SLC5A9: variants seen among roughly 807,000 people sequenced by gnomAD.
SLC5A9 encodes the protein solute carrier family 5 member 9, also known as sodium/glucose cotransporter 4.
In SLC5A9, 59 loss-of-function variants were observed where a neutral mutation model predicts 70.9. That is an observed-to-expected ratio of 0.83 (90% CI 0.68 to 1.03). The LOEUF (loss-of-function observed/expected upper bound fraction) is 1.03, where lower values mean the gene tolerates loss of function less well. Among genes scored for constraint, SLC5A9 ranks in the 50% least tolerant of loss-of-function variants. The pLI is 0.00. For synonymous variants in SLC5A9, 340 were observed against 346.5 expected (o/e 0.98, Z 0.21); for missense variants, 832 against 881.1 (o/e 0.94, Z 0.71).
chr1:48,231,725 G>A, intron 6 of SLC5A9, 100 bp downstream of exon 6: 4 of 1,531,618 alleles, frequency 2.6e-6, no homozygotes, highest in Non-Finnish European at 3.5e-6. Flanking sequence ...CCAGTGCATA[G>A]AGCCATGTGA....
chr1:48,241,220 C>CAATTCTCTCTATCTACAGCCA (rs1387353209), intron 12 of SLC5A9: 1 of 152,302 alleles, frequency 6.6e-6, no homozygotes, highest in African/African-American at 2.4e-5. Flanking sequence ...AGGTGACCCT[C>CAATTCTCTCTATCTACAGCCA]AATTCTCTAT....
chr1:48,239,622 G>T lies in SLC5A9; in HGVS notation c.1677+85G>T. On this transcript the variant is annotated intron_variant, in intron 12 of 13. Transcript: ENST00000438567. This position sits in a 1 kb window ranked among gnomAD's most constrained non-coding sequence, Gnocchi z 4.2. ...GAATTCCACTGCTGACTTTTACTCT[G>T]TTGGGTTATGGTCTCCCCTGTGGCC... The T allele has an allele frequency of 7.5e-7, 1 of 1,324,710 alleles. No individual in the cohort carries two copies. Among genetic ancestry groups the T allele is most frequent in the Non-Finnish European group, 1.1e-6 (1 of 927,726 alleles). The allele number at this position is 1,324,710 out of a possible 1,614,324, so 82.1% of individuals were successfully genotyped here.
chr1:48,233,483 C>T (rs543256403), intron 8 of SLC5A9, among the ~76,000 whole-genome samples, 172 bp from the exon 9 acceptor site: 16 of 151,126 alleles, frequency 1.1e-4, no homozygotes, highest in African/African-American at 2.9e-4. Flanking sequence ...AATAAGTATA[C>T]GGACGAGAAA....
chr1:48,233,550 C>G (rs41287922), intron 8 of SLC5A9, 105 bp from the exon 9 acceptor site: 17,203 of 830,558 alleles, frequency 0.021, 827 homozygotes, highest in East Asian at 0.17. Flanking sequence ...GGGTCCCTGT[C>G]AGAGTCTCCA....
chr1:48,239,460 G>T lies in SLC5A9; in HGVS notation c.1600G>T (p.Ala534Ser). The T allele has an allele frequency of 6.2e-7, 1 of 1,614,200 alleles. No individual in the cohort carries two copies. The part of the protein sequence containing the change: ...VLKDFHYLYF[A>S]ILLCGLTAIV... ...GAAGGACTTCCACTACCTGTACTTT[G>T]CAATCCTCCTCTGCGGGCTCACTGC... is the stretch of plus-strand genomic sequence containing the variant. The change falls in exon 12 of 14, where the codon GCA (alanine) becomes TCA (serine). Residue 534 changes from alanine to serine, a missense_variant. Coordinates refer to ENST00000438567, the MANE Select transcript of SLC5A9 (RefSeq NM_001011547.3). The surrounding 1 kb of genome is among the most constrained non-coding windows in gnomAD (Gnocchi z 4.2).
intron 2 of SLC5A9, among the ~76,000 whole-genome samples, chr1:48,225,553 C>T (rs1000223891): frequency 1.3e-5 from 2 of 152,078 alleles, no homozygotes; most frequent in Non-Finnish European, 2.9e-5. Context: ...GAGTCATCAG[C>T]CCCAGTGGTA....
chr1:48,233,360 C>CAAAAAAAAAAAA (rs1157245912), intron 8 of SLC5A9, among the ~76,000 whole-genome samples: 1 of 58,714 alleles, frequency 1.7e-5, no homozygotes, highest in Non-Finnish European at 2.8e-5. Context: ...GACTCCATCT[C>CAAAAAAAAAAAA]AAAAAAAAAA....
chr1:48,242,319 C>A, intron 12 of SLC5A9, 138 bp from the exon 13 acceptor site: 1 of 945,746 alleles, frequency 1.1e-6, no homozygotes, highest in Non-Finnish European at 1.6e-6. Context: ...GAGATCCGGG[C>A]CTCCTGACTC....
intron 7 of SLC5A9, 29 bp downstream of exon 7, chr1:48,232,180 C>A: frequency 6.3e-7 from 1 of 1,592,452 alleles, no homozygotes; most frequent in Non-Finnish European, 8.6e-7. Flanking sequence ...TTAGCCCAGC[C>A]TGCCAGGAAG....
chr1:48,232,931 AAGAAAAG>A (rs1365507949), intron 8 of SLC5A9, among the ~76,000 whole-genome samples: 39 of 148,010 alleles, frequency 2.6e-4, no homozygotes, highest in Admixed American at 1.1e-3. Context: ...AAAAGAAAGA[AAGAAAAG>A]AAGAAGAAGA....
chr1:48,237,905 C>A, intron 11 of SLC5A9, 58 bp downstream of exon 11: 1 of 1,557,154 alleles, frequency 6.4e-7, no homozygotes, highest in Non-Finnish European at 8.8e-7. Context: ...CCTGGTCTGT[C>A]AATCACCTGG....
At chr1:48,227,210 A>C (rs1043992595) in intron 2 of SLC5A9, among the ~76,000 whole-genome samples, 12 of 101,138 alleles carry the variant, frequency 1.2e-4, no homozygotes, top group African/African-American at 3.7e-4. Flanking sequence ...GTGTGAGTGC[A>C]TGTGTGTGTG....
chr1:48,226,765 CAGG>C (rs749641697), intron 2 of SLC5A9, among the ~76,000 whole-genome samples: 4 of 152,168 alleles, frequency 2.6e-5, no homozygotes, highest in Admixed American at 6.5e-5. Flanking sequence ...GGGTTAGGAG[CAGG>C]AGAAGTGAGG....
chr1:48,224,816 C>T (rs572349864), intron 2 of SLC5A9, 21 bp downstream of exon 2: 2 of 1,612,280 alleles, frequency 1.2e-6, no homozygotes, highest in South Asian at 2.2e-5. Flanking sequence ...CCTTCTCAAC[C>T]ACCCCTAGTG....
Position 48,235,734 on chromosome 1 carries a change from CGGG to C in SLC5A9, c.1150_1152del (p.Gly384del). Reference sequence around the variant, plus strand: ...TGAGCCTCGTCTCTCCCCAGGTCTGCGGGGGCTGATGATTGCCGTGATCATGGC... The same window carrying C: ...TGAGCCTCGTCTCTCCCCAGGTCTGCGGCTGATGATTGCCGTGATCATGGC... On this transcript the variant is annotated inframe_deletion, in exon 10 of 14. Transcript: ENST00000438567. 1 of 1,614,174 alleles carries C rather than the reference CGGG, an allele frequency of 6.2e-7. No individual in the cohort carries two copies.
In SLC5A9 at chr1:48,242,600, C is replaced by G; in HGVS notation, c.1821C>G (p.Gly607=). 1 of 1,610,738 alleles carries G rather than the reference C, an allele frequency of 6.2e-7. No homozygotes were observed. Among genetic ancestry groups the G allele is most frequent in the Non-Finnish European group, 8.5e-7 (1 of 1,178,550 alleles). The change falls in exon 13 of 14, where the codon GGC becomes GGG. Residue 607 remains glycine, a synonymous_variant. Transcript: ENST00000438567. ...GGGAAENSSL[G]QEQPEAPSRS... Reference sequence around the variant, plus strand: ...GAGCGGCAGAGAACTCGAGCCTGGGCCAGGAGCAGCCTGAAGGTAGGCTGC... The same window carrying G: ...GAGCGGCAGAGAACTCGAGCCTGGGGCAGGAGCAGCCTGAAGGTAGGCTGC...
rs1644259186 is a variant in SLC5A9, at chr1:48,232,208, G to A, written c.897+57G>A. 18 of 1,572,698 alleles carry A rather than the reference G, an allele frequency of 1.1e-5. No homozygotes were observed. In the Admixed American group the frequency reaches 3.1e-4, roughly 27 times the overall value. On this transcript the variant is annotated intron_variant, in intron 7 of 13. Coordinates refer to ENST00000438567, the MANE Select transcript of SLC5A9 (RefSeq NM_001011547.3). ...CCAGGAAGTGGGGTGGCTTCCTGCA[G>A]AAAAACCCAGTGCCTGGATGCATAG...
At chr1:48,242,928 C>T (rs553793212) in intron 13 of SLC5A9, among the ~76,000 whole-genome samples, 5 of 152,106 alleles carry the variant, frequency 3.3e-5, no homozygotes, top group Non-Finnish European at 7.3e-5. Context: ...CAGATCTGAT[C>T]GGGGCACAGA....
intron 2 of SLC5A9, chr1:48,227,950 C>G (rs1644188720): frequency 6.6e-6 from 1 of 152,214 alleles, no homozygotes; most frequent in South Asian, 2.1e-4. Flanking sequence ...CTGCCCCTAG[C>G]TGCCCCCAGC....
Sources: gnomAD v4.1 joint callset for allele counts (sites outside exome capture counted in the v4.1 genomes callset) on GRCh38, gnomAD v4.1.1 for gene constraint, Gnocchi (gnomAD v3.1) non-coding constraint, MANE v1.5 for transcripts, NCBI Gene and HGNC (gene_info 2026-07-23, HGNC 2026-07-21) for gene names.